TBX15: variants seen among roughly 807,000 people sequenced by gnomAD.
TBX15 encodes T-box transcription factor 15.
TBX15 carries 18 observed loss-of-function variants against 53.9 expected under a neutral mutation model. The ratio of observed to expected loss-of-function variants is 0.33; its 90% CI spans 0.23 to 0.49. TBX15 has a LOEUF of 0.49. TBX15 is among the 20% of genes least tolerant of loss of function. The probability of loss-of-function intolerance (pLI) is 0.98; values close to 1 mark genes in which losing one functional copy is unlikely to be tolerated. For missense variants in TBX15, 692 were observed against 749.5 expected, an observed-to-expected ratio of 0.92 and a Z score of 0.90; for synonymous variants, 295 against 278.0, an observed-to-expected ratio of 1.06 and a Z score of -0.61.
chr1:118,972,924 A>C (rs1557905511), intron 1 of TBX15, among the ~76,000 whole-genome samples: 1 of 152,182 alleles, frequency 6.6e-6, no homozygotes, highest in East Asian at 1.9e-4. Context: ...AAAAACACTA[A>C]AGAGTGTCTG....
At chr1:118,928,053 G>A (rs948947666) in intron 2 of TBX15, among the ~76,000 whole-genome samples, 2 of 152,116 alleles carry the variant, frequency 1.3e-5, no homozygotes. Flanking sequence ...ACCATACCCT[G>A]ACCTCAAACA....
At position 118,972,228 on chromosome 1, in the gene TBX15, A is replaced by T. The variant is rs146179369; in HGVS notation, c.205+15363T>A. On this transcript the variant is annotated intron_variant, in intron 1 of 7. Transcript: ENST00000369429. ...TTGGTGCATCCAAGAATTTTCCTCC[A>T]TTACAGTATACCCAAACATATGAGC... Among the ~76,000 whole-genome samples, 341 of 152,354 alleles carry T rather than the reference A, an allele frequency of 2.2e-3. 1 individual carries two copies. Among genetic ancestry groups the T allele is most frequent in the African/African-American group, 7.5e-3 (313 of 41,582 alleles).
intron 1 of TBX15, among the ~76,000 whole-genome samples, chr1:118,950,289 G>A (rs1656475272): frequency 6.6e-6 from 1 of 152,186 alleles, no homozygotes; most frequent in African/African-American, 2.4e-5. Context: ...TGGCTTCATT[G>A]GGACAGGCTC....
chr1:118,981,279 AC>A (rs1286909923), intron 1 of TBX15, among the ~76,000 whole-genome samples: 3 of 151,032 alleles, frequency 2.0e-5, no homozygotes, highest in Admixed American at 6.6e-5. Context: ...CAAATTTTAT[AC>A]ATTCCCAATT....
intron 1 of TBX15, among the ~76,000 whole-genome samples, chr1:118,932,485 A>G (rs1367105080): frequency 6.6e-6 from 1 of 152,232 alleles, no homozygotes; most frequent in African/African-American, 2.4e-5. Flanking sequence ...GTTGTGAGTC[A>G]AGGATGTAAG....
intron 5 of TBX15, among the ~76,000 whole-genome samples, chr1:118,920,564 A>C (rs1022616643): frequency 1.3e-5 from 2 of 152,200 alleles, no homozygotes; most frequent in African/African-American, 4.8e-5. Flanking sequence ...AGAGGACATT[A>C]TTGGAAAGAC....
intron 1 of TBX15, among the ~76,000 whole-genome samples, chr1:118,979,069 G>A (rs1230118515): frequency 6.6e-6 from 1 of 152,142 alleles, no homozygotes; most frequent in Non-Finnish European, 1.5e-5. Context: ...TTAAAGCTTT[G>A]GAGCAAGGAT....
rs1303267082 is a variant in TBX15 at position 118,893,271 on chromosome 1, A to AAGGT, written c.1024+5756_1024+5757insACCT. Reference sequence around the variant, plus strand: ...GAAAGAAAGGAAGAAAGAAAGGAAGAAGGAAGGAAGGAAGGAAGGAAGGAA... The same window carrying AAGGT: ...GAAAGAAAGGAAGAAAGAAAGGAAGAAGGTAGGAAGGAAGGAAGGAAGGAAGGAA... On this transcript the variant is annotated intron_variant, in intron 7 of 7. Transcript: ENST00000369429. Among the ~76,000 whole-genome samples, 7 of 62,122 alleles carry AAGGT rather than the reference A, an allele frequency of 1.1e-4. 1 individual carries two copies. Among genetic ancestry groups the AAGGT allele is most frequent in the Non-Finnish European group, 5.9e-5 (2 of 33,796 alleles). The allele number at this position is 62,122 out of a possible 152,430, so 40.8% of individuals were successfully genotyped here.
At chr1:118,976,966 G>C (rs992136938) in intron 1 of TBX15, among the ~76,000 whole-genome samples, 3 of 152,136 alleles carry the variant, frequency 2.0e-5, no homozygotes, top group African/African-American at 7.2e-5. Context: ...CAATTGACAG[G>C]AATAATAGGC....
intron 7 of TBX15, among the ~76,000 whole-genome samples, chr1:118,891,888 G>C (rs933556785): frequency 2.6e-5 from 4 of 152,080 alleles, no homozygotes; most frequent in Middle Eastern, 3.4e-3. Context: ...TTTTTGCTTT[G>C]CCATTTGGGT....
intron 1 of TBX15, among the ~76,000 whole-genome samples, chr1:118,977,883 T>C (rs1657487594): frequency 6.6e-6 from 1 of 152,244 alleles, no homozygotes; most frequent in African/African-American, 2.4e-5. Flanking sequence ...AAATAGTTAC[T>C]AGTGCTTTCC....
intron 7 of TBX15, chr1:118,890,840 G>T: frequency 7.8e-7 from 1 of 1,284,462 alleles, no homozygotes; most frequent in Non-Finnish European, 1.0e-6. Flanking sequence ...ATCTAGGCTA[G>T]TAAAGAATAA....
At chr1:118,901,711 G>GTA (rs770596033) in intron 6 of TBX15, among the ~76,000 whole-genome samples, 4 of 151,984 alleles carry the variant, frequency 2.6e-5, no homozygotes, top group Admixed American at 1.3e-4. Context: ...ACCTCTGTTG[G>GTA]TATATATATA....
chr1:118,908,029 T>C (rs1485624876), intron 6 of TBX15, among the ~76,000 whole-genome samples: 2 of 152,128 alleles, frequency 1.3e-5, no homozygotes, highest in African/African-American at 4.8e-5. Flanking sequence ...AGTCTCCGAT[T>C]TTAATCACAA....
intron 1 of TBX15, among the ~76,000 whole-genome samples, chr1:118,942,392 G>C (rs1317178903): frequency 6.6e-6 from 1 of 152,214 alleles, no homozygotes; most frequent in Non-Finnish European, 1.5e-5. Context: ...AAATGCTGTA[G>C]GTTTAGCAAA....
At chr1:118,987,325 C>A (rs753337080) in intron 1 of TBX15, among the ~76,000 whole-genome samples, 1 of 152,214 alleles carries the variant, frequency 6.6e-6, no homozygotes, top group Admixed American at 6.5e-5. Flanking sequence ...CAGAAAGCTG[C>A]GCTCTCCACC....
At chr1:118,901,912 A>G (rs1447284940) in intron 6 of TBX15, among the ~76,000 whole-genome samples, 1 of 152,160 alleles carries the variant, frequency 6.6e-6, no homozygotes, top group Non-Finnish European at 1.5e-5. Context: ...CACATATGTA[A>G]TCCATCCAGG....
chr1:118,933,474 A>C lies in TBX15; in HGVS notation c.206-1642T>G, dbSNP rs56687058. ...CTGCCCCCCACCCACAAAAAAAAAA[A>C]ACTATAAAGTTTTATAACTAGGTTT... On this transcript the variant is annotated intron_variant, in intron 1 of 7. Coordinates refer to ENST00000369429, the MANE Select transcript of TBX15 (RefSeq NM_001330677.2). 5.5e-3 allele frequency among the ~76,000 whole-genome samples: 744 copies of C among 135,618 alleles called. 8 individuals are homozygous for C. The highest frequency in any genetic ancestry group is 0.019 in the African/African-American group (727 of 38,274). The allele number at this position is 135,618 out of a possible 152,430, so 89.0% of individuals were successfully genotyped here.
At chr1:118,905,170 G>A (rs1358742412) in intron 6 of TBX15, among the ~76,000 whole-genome samples, 1 of 152,164 alleles carries the variant, frequency 6.6e-6, no homozygotes, top group Non-Finnish European at 1.5e-5. Context: ...TCTGGCTCTG[G>A]ATTAAATGTG....
Sources: gnomAD v4.1 joint callset for allele counts (sites outside exome capture counted in the v4.1 genomes callset) on GRCh38, gnomAD v4.1.1 for gene constraint, MANE v1.5 for transcripts, NCBI Gene and HGNC (gene_info 2026-07-23, HGNC 2026-07-21) for gene names.